SELENON: variants seen among roughly 807,000 people sequenced by gnomAD.
SELENON encodes selenoprotein N, also known as selenoprotein N, 1.
SELENON carries 44 observed loss-of-function variants against 59.5 expected under a neutral mutation model. The observed-to-expected ratio is 0.74, with a 90% CI of 0.58 to 0.95. The LOEUF is 0.95. Ranked by LOEUF, SELENON falls within the 40% of genes least tolerant of loss-of-function variation. The probability of loss-of-function intolerance (pLI) is 0.00; values close to 1 mark genes in which losing one functional copy is unlikely to be tolerated. For missense variants in SELENON, 674 were observed against 721.4 expected, an observed-to-expected ratio of 0.93 and a Z score of 0.75; for synonymous variants, 320 against 305.6, an observed-to-expected ratio of 1.05 and a Z score of -0.49.
At chr1:25,808,297 C>CGCCTGGGTGGGCTGT (rs55828916) in intron 4 of SELENON, among the ~76,000 whole-genome samples, 9 of 151,432 alleles carry the variant, frequency 5.9e-5, no homozygotes, top group Non-Finnish European at 1.0e-4. Context: ...GCCTGGGCTG[C>CGCCTGGGTGGGCTGT]GCCTGGGTGG....
chr1:25,812,470 CACAT>C (rs1411735766), intron 9 of SELENON, among the ~76,000 whole-genome samples: 1 of 10,594 alleles, frequency 9.4e-5, no homozygotes, highest in Non-Finnish European at 2.8e-4. Flanking sequence ...TATACACACA[CACAT>C]ACACACATAT....
intron 9 of SELENON, among the ~76,000 whole-genome samples, chr1:25,812,214 C>T (rs2124451781): frequency 6.6e-6 from 1 of 151,992 alleles, no homozygotes; most frequent in East Asian, 1.9e-4. Flanking sequence ...GTGGTGGTAG[C>T]ACGCACCTGT....
chr1:25,814,055 G>T (rs2047989246), intron 11 of SELENON, 22 bp from the exon 11 acceptor site: 1 of 1,611,108 alleles, frequency 6.2e-7, no homozygotes, highest in African/African-American at 1.3e-5. Context: ...GCGGCATCAG[G>T]AGTGTGCAAC....
Position 25,811,876 on chromosome 1 carries a change from G to T in SELENON, c.1278G>T (p.Lys426Asn). 6.4e-7 allele frequency: 1 copy of T among 1,561,466 alleles called. No homozygotes were observed. Among genetic ancestry groups the T allele is most frequent in the Non-Finnish European group, 8.7e-7 (1 of 1,152,990 alleles). ...TGGAGGTGGCCATGTACCCCTTCAAGAAGGTGAGGCTGGGCAGGGGTGAAG... is the reference window on the plus strand; with the variant it reads ...TGGAGGTGGCCATGTACCCCTTCAATAAGGTGAGGCTGGGCAGGGGTGAAG... Residue 426 changes from lysine (K) to asparagine (N), a missense_variant, in exon 9 of 13, where the codon AAG becomes AAT. By Grantham distance (94) the Lys-to-Asn change is moderately conservative (BLOSUM62 0). Coordinates refer to ENST00000361547, the MANE Select transcript of SELENON (RefSeq NM_020451.3).
At chr1:25,813,517 C>T (rs759321570) in intron 10 of SELENON, 6 of 373,466 alleles carry the variant, frequency 1.6e-5, no homozygotes, top group African/African-American at 4.2e-5. Flanking sequence ...GTGATATTTA[C>T]GCTGAGACTT....
intron 3 of SELENON, among the ~76,000 whole-genome samples, chr1:25,803,561 T>C (rs1280241313): frequency 2.6e-5 from 4 of 152,212 alleles, no homozygotes; most frequent in Non-Finnish European, 5.9e-5. Flanking sequence ...TGTAAAATGC[T>C]GAGTAGTAGT....
intron 7 of SELENON, 107 bp from the exon 7 acceptor site, chr1:25,811,347 A>T: frequency 9.9e-7 from 1 of 1,006,452 alleles, no homozygotes; most frequent in Non-Finnish European, 1.6e-6. Flanking sequence ...GAGAAACCTC[A>T]GTGTCCTCAT....
In SELENON at chr1:25,815,982, G is replaced by A; in HGVS notation, c.*264G>A. On this transcript the variant is annotated 3_prime_UTR_variant, in exon 13 of 13. Coordinates refer to ENST00000361547, the MANE Select transcript of SELENON (RefSeq NM_020451.3). ...ACCCATTTGGCTCTGGAAGCTGCTT[G>A]GCCCCCCCAGATCAGGGCCTGGGTG... 1 of 501,922 alleles carries A rather than the reference G, an allele frequency of 2.0e-6. No individual in the cohort carries two copies. Among genetic ancestry groups the A allele is most frequent in the South Asian group, 2.1e-5 (1 of 47,528 alleles). 31.1% of individuals were successfully genotyped at this position (501,922 alleles called of 1,614,324 possible). A position where few individuals can be genotyped will look rare whatever the true frequency, so the allele number is the denominator to read the frequency against.
At chr1:25,800,650 G>T (rs2124437151) in intron 1 of SELENON, among the ~76,000 whole-genome samples, 1 of 152,092 alleles carries the variant, frequency 6.6e-6, no homozygotes, top group African/African-American at 2.4e-5. Context: ...GACTGGAGGG[G>T]TCTCTATCCA....
At chr1:25,809,903 C>G in intron 7 of SELENON, 83 bp downstream of exon 6, 2 of 1,536,672 alleles carry the variant, frequency 1.3e-6, no homozygotes, top group Admixed American at 3.3e-5. Flanking sequence ...GGGGCCTCTT[C>G]TGTCTCTGCC....
At position 25,811,518 on chromosome 1, in the gene SELENON, AT is replaced by A; in HGVS notation, c.1076del (p.Ile359ThrfsTer?). ...TGAAAGCAGCAACATGGAGGTGGAC[AT>A]CGGCTACATACCCCAGGTGAGCGCA... On this transcript the variant is annotated frameshift_variant, in exon 8 of 13. Coordinates refer to ENST00000361547, the MANE Select transcript of SELENON (RefSeq NM_020451.3). LOFTEE classifies it high-confidence loss of function. 1.9e-6 allele frequency: 3 copies of A among 1,614,148 alleles called. No homozygotes were observed. The highest frequency in any genetic ancestry group is 2.5e-6 in the Non-Finnish European group (3 of 1,180,024).
At chr1:25,811,926 A>G in intron 9 of SELENON, 47 bp downstream of exon 8, 1 of 1,535,092 alleles carries the variant, frequency 6.5e-7, no homozygotes, top group Non-Finnish European at 8.8e-7. Flanking sequence ...GCATGGGCAG[A>G]GGCTGGGAGC....
intron 9 of SELENON, 140 bp from the exon 9 acceptor site, chr1:25,812,547 A>G: frequency 1.5e-6 from 1 of 666,136 alleles, no homozygotes; most frequent in South Asian, 1.6e-5. Flanking sequence ...ACACACAAAT[A>G]TATATGCCTA....
chr1:25,814,907 T>G (rs535654848), intron 12 of SELENON, among the ~76,000 whole-genome samples: 1 of 151,408 alleles, frequency 6.6e-6, no homozygotes, highest in South Asian at 2.1e-4. Flanking sequence ...ACGGGAGAGG[T>G]GTCCAGTGAG....
chr1:25,805,129 CTG>C lies in SELENON; in HGVS notation c.404-9_404-8del, dbSNP rs1471017508. ...CATAAGGGCAGTGCCTCTCCGATGTCTGTGTCTCATAGGGTCAACTCCCGCGG... is the reference window on the plus strand; with the variant it reads ...CATAAGGGCAGTGCCTCTCCGATGTCTGTCTCATAGGGTCAACTCCCGCGG... On this transcript the variant is annotated splice_polypyrimidine_tract_variant and intron_variant, in intron 3 of 12. Coordinates refer to ENST00000361547, the MANE Select transcript of SELENON (RefSeq NM_020451.3). 6.2e-7 allele frequency: 1 copy of C among 1,612,974 alleles called. No homozygotes were observed. The highest frequency in any genetic ancestry group is 8.5e-7 in the Non-Finnish European group (1 of 1,179,984).
At chr1:25,803,203 C>T (rs1322765514) in intron 3 of SELENON, among the ~76,000 whole-genome samples, 1 of 152,146 alleles carries the variant, frequency 6.6e-6, no homozygotes, top group African/African-American at 2.4e-5. Context: ...ACAGCTACCT[C>T]TTTGTCCTTT....
rs768552261 is a variant in SELENON at position 25,809,063 on chromosome 1, G to A, written c.785G>A (p.Arg262Gln). ...CGGCTCCTGAGCATGTTCCACCCTC[G>A]GCCCTTTGTGAAGACCCGCTTTGCC... The change falls in exon 6 of 13, where the codon CGG becomes CAG. Residue 262 changes from arginine to glutamine, a missense_variant. Arg to Gln is a conservative substitution (Grantham distance 43). Transcript: ENST00000361547. 6.8e-6 allele frequency: 11 copies of A among 1,613,616 alleles called. No individual in the cohort carries two copies. Among genetic ancestry groups the A allele is most frequent in the East Asian group, 4.5e-5 (2 of 44,888 alleles).
rs1557814075 is a variant in SELENON at position 25,800,436 on chromosome 1, G to C, written c.183+23G>C. On this transcript the variant is annotated intron_variant, in intron 1 of 12. Transcript: ENST00000361547. Reference sequence around the variant, plus strand: ...CAGGTCCGGGCCCGAGCTGGCTGGGGCGGGAGCGCGGGAGCGGGGACTGAA... The same window carrying C: ...CAGGTCCGGGCCCGAGCTGGCTGGGCCGGGAGCGCGGGAGCGGGGACTGAA... 1.7e-5 allele frequency: 18 copies of C among 1,083,964 alleles called. No individual in the cohort carries two copies. In the East Asian group the frequency reaches 9.4e-4, roughly 57 times the overall value. The allele number at this position is 1,083,964 out of a possible 1,614,324, so 67.1% of individuals were successfully genotyped here.
intron 12 of SELENON, among the ~76,000 whole-genome samples, chr1:25,815,065 A>G (rs2047998575): frequency 6.6e-6 from 1 of 152,044 alleles, no homozygotes; most frequent in South Asian, 2.1e-4. Flanking sequence ...TTGAATGCTG[A>G]TTCATTCATT....
Sources: allele counts gnomAD v4.1 joint callset (sites outside exome capture counted in the v4.1 genomes callset), GRCh38; gene constraint gnomAD v4.1.1; transcripts MANE v1.5; gene names NCBI Gene and HGNC (gene_info 2026-07-23, HGNC 2026-07-21).